OPCML: variants seen among roughly 807,000 people sequenced by gnomAD.
OPCML encodes the protein opioid-binding protein/cell adhesion molecule.
A neutral mutation model predicts 37.8 loss-of-function variants in OPCML; 13 were observed. That is an observed-to-expected ratio of 0.34 (90% CI 0.22 to 0.55). The LOEUF is 0.55. Among genes scored for constraint, OPCML ranks in the 20% least tolerant of loss-of-function variants. OPCML has a pLI of 0.91. For synonymous variants in OPCML, 176 were observed against 168.8 expected, an observed-to-expected ratio of 1.04 and a Z score of -0.33; for missense variants, 341 against 435.6, an observed-to-expected ratio of 0.78 and a Z score of 1.93.
At chr11:132,447,639 A>G (rs1049838637) in intron 4 of OPCML, among the ~76,000 whole-genome samples, 1 of 152,118 alleles carries the variant, frequency 6.6e-6, no homozygotes, top group Non-Finnish European at 1.5e-5. Flanking sequence ...GTCACCTTTC[A>G]TTCTTTAAAG....
chr11:132,554,569 C>G (rs1331048411), intron 3 of OPCML, among the ~76,000 whole-genome samples: 1 of 152,194 alleles, frequency 6.6e-6, no homozygotes, highest in Non-Finnish European at 1.5e-5. Flanking sequence ...TTGCTGAGGA[C>G]AGTGGGGACA....
chr11:133,238,842 A>C (rs769661334), intron 1 of OPCML, among the ~76,000 whole-genome samples: 7 of 152,250 alleles, frequency 4.6e-5, no homozygotes, highest in African/African-American at 7.2e-5. Flanking sequence ...CGCTACATAA[A>C]TGCTGATAAT....
chr11:133,343,725 TTAAAA>T (rs1943930233), intron 1 of OPCML, among the ~76,000 whole-genome samples: 2 of 152,204 alleles, frequency 1.3e-5, no homozygotes, highest in African/African-American at 4.8e-5. Flanking sequence ...TCATGGATAC[TTAAAA>T]TAAAATTCAA....
At chr11:132,606,100 G>A (rs906116908) in intron 3 of OPCML, among the ~76,000 whole-genome samples, 1 of 152,164 alleles carries the variant, frequency 6.6e-6, no homozygotes, top group Non-Finnish European at 1.5e-5. Flanking sequence ...ATTGGCAGAA[G>A]GAATTTCGTC....
At position 133,123,913 on chromosome 11, in the gene OPCML, C is replaced by T. The variant is rs142675439; in HGVS notation, c.62-180903G>A. On this transcript the variant is annotated intron_variant, in intron 1 of 7. Transcript: ENST00000524381. ...GAAGGAGGAAGTGGGATATACTGAG[C>T]GGTCTCTGTGCCAGACAAAAGCAGA... Among the ~76,000 whole-genome samples the T allele has an allele frequency of 1.4e-3, 210 of 152,170 alleles. 1 individual carries two copies. The highest frequency in any genetic ancestry group is 5.0e-3 in the African/African-American group (206 of 41,524).
chr11:132,756,240 C>T (rs1010433422), intron 2 of OPCML, among the ~76,000 whole-genome samples: 10 of 152,120 alleles, frequency 6.6e-5, no homozygotes, highest in African/African-American at 1.9e-4. Context: ...TACTCGGATG[C>T]TAGTGATGCT....
chr11:132,491,879 C>G (rs140352191), intron 4 of OPCML, among the ~76,000 whole-genome samples: 214 of 149,838 alleles, frequency 1.4e-3, no homozygotes, highest in Middle Eastern at 0.011. Context: ...TTGGAGATAT[C>G]GTAGGAACTT....
rs182886510 is a variant in OPCML at position 132,512,806 on chromosome 11, A to G, written c.505+16255T>C. ...AGTCTAATATATAACAGCAGAAAACATATCAGTGTTTGCCTCAAGTTGAAA... is the reference window on the plus strand; with the variant it reads ...AGTCTAATATATAACAGCAGAAAACGTATCAGTGTTTGCCTCAAGTTGAAA... On this transcript the variant is annotated intron_variant, in intron 4 of 7. Transcript: ENST00000524381. 1.2e-3 allele frequency among the ~76,000 whole-genome samples: 189 copies of G among 152,042 alleles called. 1 individual carries two copies. Among genetic ancestry groups the G allele is most frequent in the Non-Finnish European group, 2.0e-3 (134 of 67,906 alleles).
intron 1 of OPCML, chr11:133,005,787 T>G (rs1038975036): frequency 1.3e-5 from 13 of 984,444 alleles, no homozygotes; most frequent in Non-Finnish European, 1.3e-5. Flanking sequence ...ATGAACTCCT[T>G]CAATTAGGAG....
At chr11:132,436,055 A>G (rs754573726) in intron 7 of OPCML, 31 bp downstream of exon 7, 4 of 1,602,346 alleles carry the variant, frequency 2.5e-6, no homozygotes, top group Non-Finnish European at 3.4e-6. Flanking sequence ...CATGTGGCTG[A>G]GCCCACTGCA....
At chr11:133,325,326 A>G (rs1943425113) in intron 1 of OPCML, among the ~76,000 whole-genome samples, 1 of 152,194 alleles carries the variant, frequency 6.6e-6, no homozygotes, top group Admixed American at 6.5e-5. Flanking sequence ...GGATGGCATT[A>G]TTTGGGGTGC....
intron 2 of OPCML, among the ~76,000 whole-genome samples, chr11:132,815,977 C>G (rs907725327): frequency 6.6e-6 from 1 of 152,202 alleles, no homozygotes; most frequent in African/African-American, 2.4e-5. Context: ...GGAGGCAGTT[C>G]ACACTTATTG....
chr11:132,625,631 C>A (rs1050959002), intron 3 of OPCML, among the ~76,000 whole-genome samples: 2 of 152,164 alleles, frequency 1.3e-5, no homozygotes, highest in African/African-American at 4.8e-5. Flanking sequence ...TAACACGTCA[C>A]ACACATACAC....
intron 1 of OPCML, among the ~76,000 whole-genome samples, chr11:133,327,248 T>C (rs1352410416): frequency 1.3e-5 from 2 of 151,534 alleles, no homozygotes; most frequent in Non-Finnish European, 2.9e-5. Context: ...ATATGTGGTG[T>C]GTGAGTTGTT....
At chr11:133,238,149 C>T (rs1307161723) in intron 1 of OPCML, among the ~76,000 whole-genome samples, 4 of 152,170 alleles carry the variant, frequency 2.6e-5, no homozygotes, top group Non-Finnish European at 4.4e-5. Flanking sequence ...AGACCATATA[C>T]TTGACCCTGT....
intron 1 of OPCML, among the ~76,000 whole-genome samples, chr11:133,089,960 G>C (rs1040744656): frequency 1.3e-5 from 2 of 152,142 alleles, no homozygotes; most frequent in African/African-American, 4.8e-5. Context: ...TCTCCTAATG[G>C]AGCTTACTTC....
chr11:133,237,134 C>A (rs1478091260), intron 1 of OPCML, among the ~76,000 whole-genome samples: 2 of 152,270 alleles, frequency 1.3e-5, no homozygotes, highest in South Asian at 2.1e-4. Flanking sequence ...TTTCCAGAAG[C>A]GATCATTTAA....
At chr11:133,140,781 AGAC>A (rs1205370923) in intron 1 of OPCML, among the ~76,000 whole-genome samples, 1 of 138,314 alleles carries the variant, frequency 7.2e-6, no homozygotes, top group African/African-American at 2.8e-5. Flanking sequence ...AAGAAGAAGA[AGAC>A]GACGAAGAAG....
intron 1 of OPCML, among the ~76,000 whole-genome samples, chr11:133,362,540 C>T (rs1163518172): frequency 6.6e-6 from 1 of 152,224 alleles, no homozygotes; most frequent in Non-Finnish European, 1.5e-5. Context: ...AAAACAGAAG[C>T]TTGTCAAGCT....
Sources: allele counts gnomAD v4.1 joint callset (sites outside exome capture counted in the v4.1 genomes callset), GRCh38; gene constraint gnomAD v4.1.1; transcripts MANE v1.5; gene names NCBI Gene and HGNC (gene_info 2026-07-23, HGNC 2026-07-21).